Variants in SORCS1 observed in about 807,000 individuals in gnomAD.
The protein encoded by SORCS1 is sortilin related VPS10 domain containing receptor 1.
SORCS1 carries 60 observed loss-of-function variants against 146.1 expected under a neutral mutation model. The observed-to-expected ratio is 0.41, with a 90% CI of 0.33 to 0.51. The LOEUF (loss-of-function observed/expected upper bound fraction) is 0.51. SORCS1 is among the 20% of genes least tolerant of loss of function. The pLI, the probability that SORCS1 is intolerant of heterozygous loss-of-function variation, is 0.21. For synonymous variants in SORCS1, 637 were observed against 584.0 expected, an observed-to-expected ratio of 1.09 and a Z score of -1.31; for missense variants, 1,352 against 1,487.6, an observed-to-expected ratio of 0.91 and a Z score of 1.50.
At chr10:106,896,893 T>TG (rs1160061795) in intron 2 of SORCS1, among the ~76,000 whole-genome samples, 1 of 147,470 alleles carries the variant, frequency 6.8e-6, no homozygotes, top group African/African-American at 2.5e-5. Context: ...AATACTGTTT[T>TG]TTTTTTTTTT....
At position 106,576,383 on chromosome 10, in the gene SORCS1, G is replaced by C. The variant is rs1842487164; in HGVS notation, c.*1037C>G. 6.6e-6 allele frequency: 1 copy of C among 152,342 alleles called. No individual in the cohort carries two copies. The highest frequency in any genetic ancestry group is 1.9e-4 in the East Asian group (1 of 5,204). 9.4% of individuals were successfully genotyped at this position (152,342 alleles called of 1,614,324 possible). On this transcript the variant is annotated 3_prime_UTR_variant, in exon 26 of 26. Coordinates refer to ENST00000263054, the MANE Select transcript of SORCS1 (RefSeq NM_052918.5). ...GAAGAAAAACTGAGAACAGTTGAAGGACAACTTACTTGGGGTTTGGAGGGA... is the reference window on the plus strand; with the variant it reads ...GAAGAAAAACTGAGAACAGTTGAAGCACAACTTACTTGGGGTTTGGAGGGA...
intron 20 of SORCS1, 112 bp downstream of exon 20, chr10:106,620,316 G>A: frequency 7.2e-7 from 1 of 1,385,582 alleles, no homozygotes; most frequent in South Asian, 1.5e-5. Flanking sequence ...TGTCCTTGAA[G>A]CTACAACTGC....
rs150351782 is a variant in SORCS1, at chr10:107,058,534, C to T, written c.559-101954G>A. Among the ~76,000 whole-genome samples, 1,494 of 152,308 alleles carry T rather than the reference C, an allele frequency of 9.8e-3. 30 individuals are homozygous for T. The highest frequency in any genetic ancestry group is 0.034 in the African/African-American group (1,432 of 41,566). Reference sequence around the variant, plus strand: ...TCGATGATTCAGAAGGCACTTCAGGCTGTCTTACTATCTCAGGAAGTAGGA... The same window carrying T: ...TCGATGATTCAGAAGGCACTTCAGGTTGTCTTACTATCTCAGGAAGTAGGA... On this transcript the variant is annotated intron_variant, in intron 1 of 25. Transcript: ENST00000263054.
intron 1 of SORCS1, among the ~76,000 whole-genome samples, chr10:107,011,357 C>T (rs1233446283): frequency 6.6e-6 from 1 of 152,216 alleles, no homozygotes; most frequent in Admixed American, 6.5e-5. Flanking sequence ...AGTGATTAAA[C>T]TCATCAAGAG....
intron 5 of SORCS1, among the ~76,000 whole-genome samples, chr10:106,733,225 C>T (rs1038360211): frequency 1.3e-5 from 2 of 152,092 alleles, no homozygotes; most frequent in Admixed American, 6.5e-5. Flanking sequence ...CCTTATTCTG[C>T]CTAAATGTTT....
intron 5 of SORCS1, among the ~76,000 whole-genome samples, chr10:106,756,801 T>C (rs1284240409): frequency 6.6e-6 from 1 of 152,152 alleles, no homozygotes; most frequent in East Asian, 1.9e-4. Context: ...CTGAGTTCCT[T>C]CCTCAGGAAA....
At chr10:106,687,432 A>G (rs1183479268) in intron 10 of SORCS1, among the ~76,000 whole-genome samples, 2 of 152,218 alleles carry the variant, frequency 1.3e-5, no homozygotes, top group African/African-American at 4.8e-5. Flanking sequence ...GCCAGATAAT[A>G]AATATCAGGC....
intron 5 of SORCS1, among the ~76,000 whole-genome samples, chr10:106,737,149 G>A (rs577709494): frequency 1.4e-3 from 219 of 152,210 alleles, no homozygotes; most frequent in African/African-American, 4.6e-3. Flanking sequence ...CAGGAGAGCA[G>A]TGAGGAGATG....
chr10:106,587,401 A>G (rs1845306173), intron 24 of SORCS1, among the ~76,000 whole-genome samples: 1 of 152,256 alleles, frequency 6.6e-6, no homozygotes, highest in South Asian at 2.1e-4. Flanking sequence ...CCTATTTGGC[A>G]TCTGCATCCA....
chr10:107,053,627 A>G (rs1234160403), intron 1 of SORCS1, among the ~76,000 whole-genome samples: 3 of 152,158 alleles, frequency 2.0e-5, no homozygotes, highest in Admixed American at 6.6e-5. Flanking sequence ...AGCAATACAA[A>G]TTTTTCCCAC....
In SORCS1 at chr10:106,720,376, A is replaced by G. The variant is rs370785407; in HGVS notation, c.1024+9674T>C. Among the ~76,000 whole-genome samples the G allele has an allele frequency of 6.6e-5, 10 of 151,896 alleles. No homozygotes were observed. The East Asian group carries it at 1.7e-3, about 26-fold the overall frequency. ...TCTTTGTAAGCCCCACTTCCCCATC[A>G]TTAAAATGAGGAAAATAAGAATAGT... On this transcript the variant is annotated intron_variant, in intron 6 of 25. Coordinates refer to ENST00000263054, the MANE Select transcript of SORCS1 (RefSeq NM_052918.5).
intron 1 of SORCS1, among the ~76,000 whole-genome samples, chr10:107,062,099 A>C (rs528583715): frequency 2.2e-4 from 33 of 152,264 alleles, no homozygotes; most frequent in African/African-American, 7.2e-4. Flanking sequence ...AAATTCACTG[A>C]TCTATCCAAA....
chr10:107,031,519 C>G (rs1958656031), intron 1 of SORCS1, among the ~76,000 whole-genome samples: 1 of 152,000 alleles, frequency 6.6e-6, no homozygotes, highest in African/African-American at 2.4e-5. Context: ...GACTTTTCTG[C>G]AAGGTTTCTG....
intron 1 of SORCS1, among the ~76,000 whole-genome samples, chr10:107,138,396 T>A (rs1056987613): frequency 3.3e-5 from 5 of 152,342 alleles, no homozygotes; most frequent in Admixed American, 6.5e-5. Context: ...CCAAAGAGAA[T>A]GTGTTTTCTT....
intron 1 of SORCS1, among the ~76,000 whole-genome samples, chr10:107,071,095 A>G (rs1962383071): frequency 6.6e-6 from 1 of 152,178 alleles, no homozygotes; most frequent in Non-Finnish European, 1.5e-5. Context: ...GACCGGCAGG[A>G]GTCAGAGTCA....
chr10:107,084,345 C>T (rs1338513255), intron 1 of SORCS1, among the ~76,000 whole-genome samples: 7 of 151,202 alleles, frequency 4.6e-5, no homozygotes, highest in Non-Finnish European at 8.8e-5. Context: ...CCTCGTGATC[C>T]GCCCGCCTCA....
At chr10:106,888,681 T>A (rs534889131) in intron 2 of SORCS1, among the ~76,000 whole-genome samples, 1 of 152,308 alleles carries the variant, frequency 6.6e-6, no homozygotes, top group Admixed American at 6.5e-5. Context: ...CAAATGGAAA[T>A]AACCTACTCT....
At chr10:107,143,420 A>C (rs763440207) in intron 1 of SORCS1, among the ~76,000 whole-genome samples, 1 of 152,002 alleles carries the variant, frequency 6.6e-6, no homozygotes. Flanking sequence ...TTACACCTCC[A>C]GGGCTCAAGC....
chr10:106,953,545 A>C (rs1414671117), intron 2 of SORCS1, among the ~76,000 whole-genome samples: 1 of 152,062 alleles, frequency 6.6e-6, no homozygotes, highest in Admixed American at 6.6e-5. Flanking sequence ...ATAGTCATGT[A>C]TCACTTAATG....
Sources: allele counts gnomAD v4.1 joint callset (sites outside exome capture counted in the v4.1 genomes callset), GRCh38; gene constraint gnomAD v4.1.1; transcripts MANE v1.5; gene names NCBI Gene and HGNC (gene_info 2026-07-23, HGNC 2026-07-21).